The following CNOT6 variants were observed in gnomAD, a reference collection of about 807,000 sequenced individuals.
CNOT6 encodes CCR4-NOT transcription complex subunit 6.
In CNOT6, 12 loss-of-function variants were observed where a neutral mutation model predicts 61.2. The observed-to-expected ratio is 0.20, with a 90% CI of 0.13 to 0.32. CNOT6 has a LOEUF of 0.32. CNOT6 is among the 10% of genes least tolerant of loss of function. CNOT6 has a pLI of 1.00. For missense variants in CNOT6, 405 were observed against 663.9 expected, an observed-to-expected ratio of 0.61 and a Z score of 4.28; for synonymous variants, 225 against 240.6, an observed-to-expected ratio of 0.94 and a Z score of 0.60.
intron 1 of CNOT6, among the ~76,000 whole-genome samples, chr5:180,500,517 A>G (rs931076440): frequency 6.7e-6 from 1 of 149,936 alleles, no homozygotes; most frequent in East Asian, 2.0e-4. Context: ...GGCTCACTGC[A>G]GGCTCCGCCT....
At chr5:180,528,798 T>G (rs573709761) in intron 1 of CNOT6, among the ~76,000 whole-genome samples, 1 of 152,328 alleles carries the variant, frequency 6.6e-6, no homozygotes, top group Admixed American at 6.5e-5. Context: ...TGCACCCTTG[T>G]TAGCTTCACA....
At chr5:180,533,311 CCTATATATATATATATATAT>C (rs925499506) in intron 2 of CNOT6, among the ~76,000 whole-genome samples, 3 of 65,226 alleles carry the variant, frequency 4.6e-5, no homozygotes, top group Non-Finnish European at 6.6e-5. Flanking sequence ...TGGATGAAAA[CCTATATATATATATATATAT>C]ATATATATAT....
intron 1 of CNOT6, among the ~76,000 whole-genome samples, chr5:180,507,285 A>C (rs180683184): frequency 2.0e-5 from 3 of 152,266 alleles, no homozygotes; most frequent in East Asian, 1.9e-4. Flanking sequence ...CCTGTTTCCA[A>C]GGGTATTGAG....
In CNOT6 at chr5:180,564,753, C is replaced by G. The variant is rs200722846; in HGVS notation, c.559+10C>G. 1,229 of 1,604,632 alleles carry G rather than the reference C, an allele frequency of 7.7e-4. 3 individuals carry two copies. Among genetic ancestry groups the G allele is most frequent in the Non-Finnish European group, 9.7e-4 (1,136 of 1,171,976 alleles). On this transcript the variant is annotated intron_variant, in intron 6 of 11. Coordinates refer to ENST00000261951, the MANE Select transcript of CNOT6 (RefSeq NM_001370472.1). ...AGGACAAGGCCAACTGGTTGGTAGT[C>G]TTTTATTTTTTAACTGTTATTTTTG... is the stretch of plus-strand genomic sequence containing the variant.
At chr5:180,519,848 T>C (rs62405527) in intron 1 of CNOT6, among the ~76,000 whole-genome samples, 17 of 139,128 alleles carry the variant, frequency 1.2e-4, no homozygotes, top group Admixed American at 2.2e-4. Flanking sequence ...TTTTTTTTTT[T>C]CCCTGAAAAG....
At chr5:180,497,586 T>C (rs2127686494) in intron 1 of CNOT6, among the ~76,000 whole-genome samples, 1 of 152,220 alleles carries the variant, frequency 6.6e-6, no homozygotes, top group Middle Eastern at 3.4e-3. Context: ...AAGCTCTGCT[T>C]GAAAGCATTT....
intron 1 of CNOT6, among the ~76,000 whole-genome samples, chr5:180,506,200 C>T (rs1407509576): frequency 6.6e-6 from 1 of 152,162 alleles, no homozygotes; most frequent in Non-Finnish European, 1.5e-5. Context: ...CTGTGGGTCT[C>T]AGTTTCGTCT....
intron 2 of CNOT6, among the ~76,000 whole-genome samples, chr5:180,533,171 C>T (rs1758475122): frequency 6.6e-6 from 1 of 151,860 alleles, no homozygotes; most frequent in Non-Finnish European, 1.5e-5. Context: ...TCTTCTGACC[C>T]ACAGTGAGAT....
intron 1 of CNOT6, among the ~76,000 whole-genome samples, chr5:180,498,265 T>C (rs1756706161): frequency 6.6e-6 from 1 of 152,152 alleles, no homozygotes; most frequent in African/African-American, 2.4e-5. Flanking sequence ...CTTGGTAACT[T>C]CAGTTACACG....
intron 2 of CNOT6, chr5:180,534,357 G>T: frequency 5.5e-6 from 1 of 180,652 alleles, no homozygotes; most frequent in East Asian, 1.4e-4. Flanking sequence ...GTCGATAATG[G>T]AGGTGATTAG....
chr5:180,549,322 A>G (rs531834674), intron 2 of CNOT6, among the ~76,000 whole-genome samples: 1 of 152,304 alleles, frequency 6.6e-6, no homozygotes, highest in East Asian at 1.9e-4. Flanking sequence ...CTATAAATTA[A>G]TCATATTTCC....
chr5:180,565,482 TA>T (rs1760405307), intron 6 of CNOT6, among the ~76,000 whole-genome samples: 2 of 152,194 alleles, frequency 1.3e-5, no homozygotes, highest in African/African-American at 4.8e-5. Context: ...TTCCACATCT[TA>T]CATTAACAGT....
Position 180,565,693 on chromosome 5 carries a change from G to A in CNOT6, c.560-127G>A, listed in dbSNP as rs943610820. ...TATCCCCCATATGTGGCGTACAGTA[G>A]CTTTTCAGTGACTATAGATTGAATG... On this transcript the variant is annotated intron_variant, in intron 6 of 11. Coordinates refer to ENST00000261951, the MANE Select transcript of CNOT6 (RefSeq NM_001370472.1). 1.1e-5 allele frequency: 9 copies of A among 846,322 alleles called. No individual in the cohort carries two copies. In the African/African-American group the frequency reaches 1.6e-4, roughly 15 times the overall value. 52.4% of individuals were successfully genotyped at this position (846,322 alleles called of 1,614,324 possible). A position where few individuals can be genotyped will look rare whatever the true frequency, so the allele number is the denominator to read the frequency against.
intron 2 of CNOT6, among the ~76,000 whole-genome samples, chr5:180,541,887 G>A (rs2127735396): frequency 6.6e-6 from 1 of 151,948 alleles, no homozygotes; most frequent in South Asian, 2.1e-4. Context: ...TGTTGCCCAG[G>A]CTACAGTGCC....
At chr5:180,535,945 CTT>C (rs1187863922) in intron 2 of CNOT6, among the ~76,000 whole-genome samples, 2 of 108,470 alleles carry the variant, frequency 1.8e-5, no homozygotes, top group African/African-American at 7.8e-5. Context: ...GGCAATTTGT[CTT>C]TTGAAAAATA....
chr5:180,504,327 CT>C (rs1425370395), intron 1 of CNOT6, among the ~76,000 whole-genome samples: 2 of 152,114 alleles, frequency 1.3e-5, no homozygotes, highest in East Asian at 3.9e-4. Context: ...GAATAATTTT[CT>C]TTTGTAGTTT....
At chr5:180,571,192 T>C in intron 10 of CNOT6, 38 bp from the exon 11 acceptor site, 1 of 1,379,472 alleles carries the variant, frequency 7.2e-7, no homozygotes, top group East Asian at 2.3e-5. Context: ...TTACTTTTTG[T>C]ATATATTTGA....
chr5:180,515,263 A>C (rs886072543), intron 1 of CNOT6, among the ~76,000 whole-genome samples: 3 of 152,042 alleles, frequency 2.0e-5, no homozygotes, highest in African/African-American at 7.3e-5. Flanking sequence ...CTACAAAAAA[A>C]AAAAGAAAGA....
At position 180,577,614 on chromosome 5, in the gene CNOT6, A is replaced by G. The variant is rs551530781; in HGVS notation, c.*3414A>G. On this transcript the variant is annotated 3_prime_UTR_variant, in exon 12 of 12. Coordinates refer to ENST00000261951, the MANE Select transcript of CNOT6 (RefSeq NM_001370472.1). ...CTTCTTTTTGGTTACATACATTTTAATAACTGGTATGTTGAAGTAGTGTCT... is the reference window on the plus strand; with the variant it reads ...CTTCTTTTTGGTTACATACATTTTAGTAACTGGTATGTTGAAGTAGTGTCT... 2.0e-5 allele frequency: 3 copies of G among 152,770 alleles called. No homozygotes were observed. The highest frequency in any genetic ancestry group is 4.1e-4 in the South Asian group (2 of 4,824). The allele number at this position is 152,770 out of a possible 1,614,324, so 9.5% of individuals were successfully genotyped here.
Sources: gnomAD v4.1 joint callset for allele counts (sites outside exome capture counted in the v4.1 genomes callset) on GRCh38, gnomAD v4.1.1 for gene constraint, MANE v1.5 for transcripts, NCBI Gene and HGNC (gene_info 2026-07-23, HGNC 2026-07-21) for gene names.